The following DCC variants were observed in gnomAD, a reference collection of about 807,000 sequenced individuals.
DCC encodes the protein netrin receptor DCC.
In DCC, 58 loss-of-function variants were observed where a neutral mutation model predicts 172.5. The ratio of observed to expected loss-of-function variants is 0.34; its 90% CI spans 0.27 to 0.42. The LOEUF (loss-of-function observed/expected upper bound fraction) is 0.42, where lower values mean the gene tolerates loss of function less well. Ranked by LOEUF, DCC falls within the 10% of genes least tolerant of loss-of-function variation. The probability of loss-of-function intolerance (pLI) is 1.00; values close to 1 mark genes in which losing one functional copy is unlikely to be tolerated. For synonymous variants in DCC, 709 were observed against 644.5 expected, an observed-to-expected ratio of 1.10 and a Z score of -1.52; for missense variants, 1,740 against 1,791.0, an observed-to-expected ratio of 0.97 and a Z score of 0.51.
At chr18:52,895,910 G>A (rs973065444) in intron 2 of DCC, among the ~76,000 whole-genome samples, 1 of 152,116 alleles carries the variant, frequency 6.6e-6, no homozygotes, top group Non-Finnish European at 1.5e-5. Flanking sequence ...TCAGCCTCCC[G>A]AGTAGCTGGA....
At chr18:53,461,222 T>G (rs561410253) in intron 24 of DCC, among the ~76,000 whole-genome samples, 37 of 151,774 alleles carry the variant, frequency 2.4e-4, no homozygotes, top group East Asian at 7.7e-4. Flanking sequence ...TTTCTCCCAT[T>G]TTGTAGGTTG....
chr18:53,366,561 T>C (rs868059485), intron 15 of DCC, among the ~76,000 whole-genome samples: 2 of 152,206 alleles, frequency 1.3e-5, no homozygotes, highest in Admixed American at 1.3e-4. Flanking sequence ...TTAAAGGAGA[T>C]AGCATGTCTA....
intron 1 of DCC, among the ~76,000 whole-genome samples, chr18:52,396,124 C>A (rs949216082): frequency 4.6e-5 from 7 of 151,918 alleles, no homozygotes; most frequent in Admixed American, 1.3e-4. Flanking sequence ...TGATTCCAGG[C>A]AAACTGTAAA....
intron 1 of DCC, among the ~76,000 whole-genome samples, chr18:52,568,464 C>A (rs1051654282): frequency 6.6e-6 from 1 of 152,148 alleles, no homozygotes; most frequent in Non-Finnish European, 1.5e-5. Flanking sequence ...TGACTCTTTA[C>A]AGAGTTGTTA....
At chr18:52,886,839 G>T (rs1369100178) in intron 2 of DCC, among the ~76,000 whole-genome samples, 1 of 152,144 alleles carries the variant, frequency 6.6e-6, no homozygotes, top group African/African-American at 2.4e-5. Context: ...AGCGGGGATG[G>T]CAAATGTAGC....
chr18:52,800,482 G>A (rs529171485), intron 2 of DCC, among the ~76,000 whole-genome samples: 1 of 152,146 alleles, frequency 6.6e-6, no homozygotes, highest in African/African-American at 2.4e-5. Flanking sequence ...TTGATTCAGG[G>A]TATCATTCCT....
intron 3 of DCC, among the ~76,000 whole-genome samples, chr18:52,918,075 T>C (rs1382588746): frequency 1.3e-5 from 2 of 152,118 alleles, no homozygotes; most frequent in African/African-American, 4.8e-5. Flanking sequence ...TTTTAAAATA[T>C]GCCATAGATA....
At chr18:53,255,104 A>G (rs1187582260) in intron 12 of DCC, among the ~76,000 whole-genome samples, 1 of 152,020 alleles carries the variant, frequency 6.6e-6, no homozygotes, top group Non-Finnish European at 1.5e-5. Context: ...ATTCCCAGGG[A>G]TCAGCTGGGA....
rs1224771284 is a variant in DCC, at chr18:52,497,339, G to A, written c.91+156461G>A. On this transcript the variant is annotated intron_variant, in intron 1 of 28. Coordinates refer to ENST00000442544, the MANE Select transcript of DCC (RefSeq NM_005215.4). The stretch of plus-strand genomic sequence containing the variant: ...TACACACACACATATATATACACAC[G>A]TATGCATATATATATACACACATAT... Among the ~76,000 whole-genome samples, 26 of 10,066 alleles carry A rather than the reference G, an allele frequency of 2.6e-3. 1 individual carries two copies. Among genetic ancestry groups the A allele is most frequent in the East Asian group, 4.9e-3 (2 of 408 alleles). The allele number at this position is 10,066 out of a possible 152,430, so 6.6% of individuals were successfully genotyped here.
intron 5 of DCC, among the ~76,000 whole-genome samples, chr18:52,989,711 G>A (rs965243006): frequency 3.9e-5 from 6 of 152,116 alleles, no homozygotes; most frequent in African/African-American, 1.2e-4. Flanking sequence ...GGCAAGTCAG[G>A]TTTCTTTTAC....
chr18:53,140,711 T>C (rs2043817358), intron 7 of DCC, among the ~76,000 whole-genome samples: 1 of 152,038 alleles, frequency 6.6e-6, no homozygotes, highest in South Asian at 2.1e-4. Context: ...TAAAGACTAA[T>C]ATATGCTGAG....
chr18:53,389,203 T>C (rs1599096092), intron 16 of DCC, among the ~76,000 whole-genome samples: 1 of 152,308 alleles, frequency 6.6e-6, no homozygotes, highest in Admixed American at 6.5e-5. Flanking sequence ...TTTTGTCTTT[T>C]ACTAAATTTT....
At chr18:52,808,232 G>C (rs1305034157) in intron 2 of DCC, among the ~76,000 whole-genome samples, 2 of 152,182 alleles carry the variant, frequency 1.3e-5, no homozygotes, top group African/African-American at 4.8e-5. Flanking sequence ...AAAAGGTCTT[G>C]TTCTGGATTT....
chr18:52,725,873 T>C (rs1599051123), intron 1 of DCC, among the ~76,000 whole-genome samples: 1 of 152,176 alleles, frequency 6.6e-6, no homozygotes, highest in Non-Finnish European at 1.5e-5. Context: ...CTGGCACTAG[T>C]GGGTCTTGAT....
intron 10 of DCC, among the ~76,000 whole-genome samples, chr18:53,206,411 T>C (rs1473922581): frequency 3.7e-5 from 2 of 53,678 alleles, no homozygotes; most frequent in South Asian, 1.4e-3. Flanking sequence ...ATATGTATTG[T>C]AACACATATA....
At chr18:53,301,406 A>G (rs990128836) in intron 12 of DCC, among the ~76,000 whole-genome samples, 5 of 151,708 alleles carry the variant, frequency 3.3e-5, no homozygotes, top group Non-Finnish European at 5.9e-5. Context: ...GATTCTTTCT[A>G]ACAGCCTGTA....
chr18:52,894,051 G>A (rs777629269), intron 2 of DCC, among the ~76,000 whole-genome samples: 18 of 152,044 alleles, frequency 1.2e-4, no homozygotes, highest in Non-Finnish European at 1.9e-4. Flanking sequence ...TACACATGTT[G>A]CTTCTCTGTC....
chr18:53,235,420 G>A (rs1201587395), intron 12 of DCC, among the ~76,000 whole-genome samples: 1 of 152,084 alleles, frequency 6.6e-6, no homozygotes, highest in African/African-American at 2.4e-5. Flanking sequence ...GTTACAAGAA[G>A]AAAGAACTCC....
intron 1 of DCC, among the ~76,000 whole-genome samples, chr18:52,488,889 G>A (rs190000672): frequency 1.3e-5 from 2 of 152,180 alleles, no homozygotes. Flanking sequence ...GTTCAATATA[G>A]AGCAAATTTG....
Sources: allele counts gnomAD v4.1 joint callset (sites outside exome capture counted in the v4.1 genomes callset), GRCh38; gene constraint gnomAD v4.1.1; transcripts MANE v1.5; gene names NCBI Gene and HGNC (gene_info 2026-07-23, HGNC 2026-07-21).